The following ZNF532 variants were observed in gnomAD, a reference collection of about 807,000 sequenced individuals.
ZNF532 encodes zinc finger protein 532.
In ZNF532, 22 loss-of-function variants were observed where a neutral mutation model predicts 89.3. That is an observed-to-expected ratio of 0.25 (90% CI 0.18 to 0.35). The LOEUF is 0.35. Ranked by LOEUF, ZNF532 falls within the 10% of genes least tolerant of loss-of-function variation. The probability of loss-of-function intolerance (pLI) is 1.00; values close to 1 mark genes in which losing one functional copy is unlikely to be tolerated. For missense variants in ZNF532, 1,132 were observed against 1,643.4 expected, an observed-to-expected ratio of 0.69 and a Z score of 5.38; for synonymous variants, 606 against 649.6, an observed-to-expected ratio of 0.93 and a Z score of 1.02.
chr18:58,945,427 T>C (rs527428334), intron 5 of ZNF532, among the ~76,000 whole-genome samples: 1 of 152,338 alleles, frequency 6.6e-6, no homozygotes, highest in Admixed American at 6.5e-5. Flanking sequence ...GTCACCATTT[T>C]CCCTTTTATA....
intron 3 of ZNF532, among the ~76,000 whole-genome samples, chr18:58,925,223 A>G (rs1180741578): frequency 2.0e-5 from 3 of 152,252 alleles, no homozygotes; most frequent in Middle Eastern, 3.4e-3. Flanking sequence ...ATCATTCTAT[A>G]TTCCCAGGAG....
chr18:58,934,748 C>A, intron 4 of ZNF532, 134 bp downstream of exon 4: 2 of 866,596 alleles, frequency 2.3e-6, no homozygotes, highest in Non-Finnish European at 3.5e-6. Context: ...GGGAACCTAG[C>A]TCGTTTGTAG....
intron 5 of ZNF532, among the ~76,000 whole-genome samples, chr18:58,940,945 C>CACAT (rs1345075881): frequency 7.1e-6 from 1 of 141,652 alleles, no homozygotes; most frequent in Non-Finnish European, 1.6e-5. Flanking sequence ...CACACACACA[C>CACAT]ACACACACAC....
chr18:58,963,400 C>T (rs1239432496), intron 7 of ZNF532, among the ~76,000 whole-genome samples: 2 of 152,034 alleles, frequency 1.3e-5, no homozygotes, highest in South Asian at 2.1e-4. Flanking sequence ...ACAGCAGTGG[C>T]AGTGAAGGAA....
At chr18:58,977,223 A>G (rs955825111) in intron 7 of ZNF532, among the ~76,000 whole-genome samples, 3 of 152,186 alleles carry the variant, frequency 2.0e-5, no homozygotes, top group Non-Finnish European at 4.4e-5. Flanking sequence ...GTATTTTTCT[A>G]TGCTTTTTGA....
intron 3 of ZNF532, among the ~76,000 whole-genome samples, chr18:58,930,675 G>A (rs998493052): frequency 6.6e-6 from 1 of 150,754 alleles, no homozygotes; most frequent in Admixed American, 6.6e-5. Context: ...GTTTCCTCAG[G>A]TGTTGGTTCT....
intron 2 of ZNF532, among the ~76,000 whole-genome samples, chr18:58,906,185 G>A (rs2059925827): frequency 1.3e-5 from 2 of 152,060 alleles, no homozygotes; most frequent in South Asian, 2.1e-4. Flanking sequence ...TCATTGAAGG[G>A]GCAGGGAGTT....
Position 58,981,624 on chromosome 18 carries a change from C to T in ZNF532, c.3411+7C>T, listed in dbSNP as rs1207924703. On this transcript the variant is annotated splice_region_variant and intron_variant, in intron 9 of 9. Transcript: ENST00000591808. ...AATAAAAGAAGACACTAAGGTCTAACATTGCAGATGTTTGCTTTACAGTGA... is the reference window on the plus strand; with the variant it reads ...AATAAAAGAAGACACTAAGGTCTAATATTGCAGATGTTTGCTTTACAGTGA... 2 of 1,613,962 alleles carry T rather than the reference C, an allele frequency of 1.2e-6. No homozygotes were observed. Among genetic ancestry groups the T allele is most frequent in the Admixed American group, 1.7e-5 (1 of 60,004 alleles).
intron 7 of ZNF532, among the ~76,000 whole-genome samples, chr18:58,978,651 G>A (rs56906241): frequency 0.12 from 17,780 of 152,008 alleles, 1,721 homozygotes; most frequent in African/African-American, 0.27. Flanking sequence ...TTTTGGTTTT[G>A]TTACTGTATT....
intron 2 of ZNF532, chr18:58,916,780 T>C (rs1449638437): frequency 1.0e-6 from 1 of 973,164 alleles, no homozygotes; most frequent in Non-Finnish European, 1.2e-6. Flanking sequence ...GTGGTGTATA[T>C]GAGTTTTCTC....
rs186888101 is a variant in ZNF532, at chr18:58,912,850, C to T, written c.-17-5421C>T. On this transcript the variant is annotated intron_variant, in intron 2 of 9. Transcript: ENST00000591808. Reference sequence around the variant, plus strand: ...ATCTGCCATTTTTGGGGCCCAGTCTCTCCCACCCCTGCCTGCACTTCCTAG... The same window carrying T: ...ATCTGCCATTTTTGGGGCCCAGTCTTTCCCACCCCTGCCTGCACTTCCTAG... Among the ~76,000 whole-genome samples, 9 of 152,164 alleles carry T rather than the reference C, an allele frequency of 5.9e-5. No individual in the cohort carries two copies. The East Asian group carries it at 1.7e-3, about 29-fold the overall frequency.
intron 2 of ZNF532, among the ~76,000 whole-genome samples, chr18:58,912,490 CAG>C (rs2060341314): frequency 6.6e-6 from 1 of 152,132 alleles, no homozygotes; most frequent in Non-Finnish European, 1.5e-5. Context: ...TGAGAGGGGG[CAG>C]AGTGTGATCA....
rs145681151 is a variant in ZNF532, at chr18:58,927,828, G to A, written c.2347-6605G>A. ...ACCCCAATCTCTGTTTTTGCAATTA[G>A]GCTTCCTGGGAGGGTCACTTTCCAT... On this transcript the variant is annotated intron_variant, in intron 3 of 9. Transcript: ENST00000591808. Among the ~76,000 whole-genome samples the A allele has an allele frequency of 5.5e-3, 838 of 152,158 alleles. 8 individuals are homozygous for A. Among genetic ancestry groups the A allele is most frequent in the African/African-American group, 0.018 (763 of 41,500 alleles).
At chr18:58,976,978 G>C (rs898832554) in intron 7 of ZNF532, among the ~76,000 whole-genome samples, 2 of 152,174 alleles carry the variant, frequency 1.3e-5, no homozygotes, top group Non-Finnish European at 2.9e-5. Flanking sequence ...GCTAATCCAA[G>C]AGGTTAGGGA....
At chr18:58,974,899 A>C (rs1333696651) in intron 7 of ZNF532, among the ~76,000 whole-genome samples, 1 of 152,192 alleles carries the variant, frequency 6.6e-6, no homozygotes, top group African/African-American at 2.4e-5. Context: ...TTAAAACTAA[A>C]TATTTTCATT....
At chr18:58,962,486 C>CA (rs1203718981) in intron 7 of ZNF532, among the ~76,000 whole-genome samples, 1 of 152,130 alleles carries the variant, frequency 6.6e-6, no homozygotes, top group East Asian at 1.9e-4. Context: ...ACAGGGGGAG[C>CA]AGTGAGTCTG....
intron 5 of ZNF532, chr18:58,940,272 T>G (rs1256845582): frequency 6.6e-6 from 1 of 152,174 alleles, no homozygotes; most frequent in East Asian, 1.9e-4. Context: ...CATAGTTCCT[T>G]TTTTATAGGG....
chr18:58,869,857 C>T (rs1379841451), intron 2 of ZNF532, among the ~76,000 whole-genome samples: 1 of 147,804 alleles, frequency 6.8e-6, no homozygotes, highest in African/African-American at 2.5e-5. Flanking sequence ...ACCTCTGTCT[C>T]CCAGGTTCAA....
chr18:58,901,165 A>T (rs113219586), intron 2 of ZNF532, among the ~76,000 whole-genome samples: 1,644 of 152,148 alleles, frequency 0.011, 24 homozygotes, highest in Middle Eastern at 0.044. Flanking sequence ...CCCTTGTTTA[A>T]TGTCTCTGTT....
Sources: gnomAD v4.1 joint callset for allele counts (sites outside exome capture counted in the v4.1 genomes callset) on GRCh38, gnomAD v4.1.1 for gene constraint, MANE v1.5 for transcripts, NCBI Gene and HGNC (gene_info 2026-07-23, HGNC 2026-07-21) for gene names.